The following RNFT2 variants were observed in gnomAD, a reference collection of about 807,000 sequenced individuals.
RNFT2 encodes the protein ring finger protein, transmembrane 2.
Under a neutral mutation model 53.0 loss-of-function variants are expected in RNFT2, and 36 were observed. The observed-to-expected ratio is 0.68, with a 90% CI of 0.52 to 0.90. The LOEUF is 0.90. Among genes scored for constraint, RNFT2 ranks in the 40% least tolerant of loss-of-function variants. The pLI is 0.00. For missense variants in RNFT2, 514 were observed against 585.6 expected, an observed-to-expected ratio of 0.88 and a Z score of 1.26; for synonymous variants, 260 against 253.2, an observed-to-expected ratio of 1.03 and a Z score of -0.26.
intron 10 of RNFT2, among the ~76,000 whole-genome samples, chr12:116,837,679 G>A (rs1052829933): frequency 6.6e-6 from 1 of 152,154 alleles, no homozygotes; most frequent in Non-Finnish European, 1.5e-5. Flanking sequence ...TCTGGGACCT[G>A]GGTTGGATCC....
chr12:116,852,114 C>T lies in RNFT2; in HGVS notation c.*2666C>T, dbSNP rs182884215. The T allele has an allele frequency of 1.2e-4, 123 of 1,001,000 alleles. No individual in the cohort carries two copies. The highest frequency in any genetic ancestry group is 1.1e-3 in the African/African-American group (69 of 61,988). The allele number at this position is 1,001,000 out of a possible 1,614,324, so 62.0% of individuals were successfully genotyped here. ...TGGCATGAGATGGCACAGGTGACCACGCAGAAGCCACCAGAATCTTGCCTG... is the reference window on the plus strand; with the variant it reads ...TGGCATGAGATGGCACAGGTGACCATGCAGAAGCCACCAGAATCTTGCCTG... On this transcript the variant is annotated 3_prime_UTR_variant, in exon 11 of 11. Transcript: ENST00000257575.
At chr12:116,826,042 T>TA (rs1194068835) in intron 7 of RNFT2, among the ~76,000 whole-genome samples, 1 of 152,160 alleles carries the variant, frequency 6.6e-6, no homozygotes, top group Non-Finnish European at 1.5e-5. Context: ...TGCTGACAGA[T>TA]ACTTGATTAT....
At chr12:116,806,144 G>A (rs1321570869) in intron 7 of RNFT2, among the ~76,000 whole-genome samples, 1 of 152,068 alleles carries the variant, frequency 6.6e-6, no homozygotes, top group East Asian at 1.9e-4. Context: ...ACTTTGGGAG[G>A]CCGAGGTGGG....
intron 4 of RNFT2, among the ~76,000 whole-genome samples, chr12:116,750,819 T>TTA (rs1477480685): frequency 0.018 from 79 of 4,326 alleles, no homozygotes; most frequent in Middle Eastern, 0.1. Context: ...AATATATATA[T>TTA]TATATATATA....
chr12:116,842,153 G>A (rs1877376090), intron 10 of RNFT2, among the ~76,000 whole-genome samples: 1 of 151,222 alleles, frequency 6.6e-6, no homozygotes. Context: ...AATGGGCTGT[G>A]AAATTGGAGG....
chr12:116,780,693 G>C (rs1360262412), intron 7 of RNFT2, among the ~76,000 whole-genome samples: 1 of 151,964 alleles, frequency 6.6e-6, no homozygotes, highest in Non-Finnish European at 1.5e-5. Context: ...AAGAGATGTG[G>C]AGAAGAAAGG....
intron 7 of RNFT2, among the ~76,000 whole-genome samples, chr12:116,787,274 G>A (rs1261443677): frequency 1.3e-5 from 2 of 152,220 alleles, no homozygotes; most frequent in African/African-American, 4.8e-5. Context: ...CTGCCAGATC[G>A]GCCAGGTGCT....
chr12:116,819,528 T>C lies in RNFT2; in HGVS notation c.883-14264T>C, dbSNP rs1240542363. Among the ~76,000 whole-genome samples, 17 of 151,902 alleles carry C rather than the reference T, an allele frequency of 1.1e-4. No homozygotes were observed. The East Asian group carries it at 1.9e-3, about 17-fold the overall frequency. On this transcript the variant is annotated intron_variant, in intron 7 of 10. Coordinates refer to ENST00000257575, the MANE Select transcript of RNFT2 (RefSeq NM_001382266.1). Reference sequence around the variant, plus strand: ...GGGGACAGCCGGCCGCCCGACGCGGTGATCTCATCCGGGCCCGGGGGAGGA... The same window carrying C: ...GGGGACAGCCGGCCGCCCGACGCGGCGATCTCATCCGGGCCCGGGGGAGGA...
intron 4 of RNFT2, among the ~76,000 whole-genome samples, chr12:116,750,851 A>ATGT (rs1491288992): frequency 2.8e-5 from 3 of 105,598 alleles, no homozygotes; most frequent in African/African-American, 1.2e-4. Flanking sequence ...ATATATATAT[A>ATGT]ATATATATTA....
At chr12:116,784,546 A>G (rs1004773378) in intron 7 of RNFT2, among the ~76,000 whole-genome samples, 2 of 152,144 alleles carry the variant, frequency 1.3e-5, no homozygotes, top group African/African-American at 2.4e-5. Flanking sequence ...CAGGCAAAGC[A>G]ATGAGGCATA....
intron 7 of RNFT2, among the ~76,000 whole-genome samples, chr12:116,816,835 A>T (rs1053779075): frequency 6.6e-6 from 1 of 151,814 alleles, no homozygotes; most frequent in East Asian, 1.9e-4. Context: ...AAAACAAAAA[A>T]TAACAAATAC....
At chr12:116,826,543 A>G (rs1459754741) in intron 7 of RNFT2, among the ~76,000 whole-genome samples, 2 of 152,180 alleles carry the variant, frequency 1.3e-5, no homozygotes, top group African/African-American at 4.8e-5. Flanking sequence ...TTTTGCTGGG[A>G]TATGCCCAGT....
At chr12:116,758,452 T>C (rs1422917404) in intron 5 of RNFT2, among the ~76,000 whole-genome samples, 4 of 152,224 alleles carry the variant, frequency 2.6e-5, no homozygotes, top group African/African-American at 4.8e-5. Flanking sequence ...TGATTTATGC[T>C]TTAAAGAGGG....
rs1299188886 is a variant in RNFT2 at position 116,742,336 on chromosome 12, C to T, written c.83+1242C>T. Among the ~76,000 whole-genome samples the T allele has an allele frequency of 4.7e-5, 7 of 148,406 alleles. No individual in the cohort carries two copies. The South Asian group carries it at 6.5e-4, about 14-fold the overall frequency. On this transcript the variant is annotated intron_variant, in intron 3 of 10. Transcript: ENST00000257575. ...AGGCTAGAATGCAGTGGCACGATCT[C>T]GGCTCACTGCAGCCTCGACCTCTCA...
intron 1 of RNFT2, among the ~76,000 whole-genome samples, chr12:116,740,128 C>T (rs1566065741): frequency 6.6e-6 from 1 of 151,608 alleles, no homozygotes; most frequent in African/African-American, 2.4e-5. Flanking sequence ...GCAGGAGAAT[C>T]GCTTGAACCT....
chr12:116,842,824 T>C (rs1877419379), intron 10 of RNFT2, among the ~76,000 whole-genome samples: 1 of 152,214 alleles, frequency 6.6e-6, no homozygotes. Flanking sequence ...TCCACCCACC[T>C]TGGCTTCCCA....
intron 7 of RNFT2, among the ~76,000 whole-genome samples, chr12:116,811,555 T>C (rs1470545354): frequency 6.6e-6 from 1 of 152,138 alleles, no homozygotes; most frequent in Non-Finnish European, 1.5e-5. Flanking sequence ...TTTGTATTTT[T>C]AGTAGAGACG....
intron 5 of RNFT2, among the ~76,000 whole-genome samples, chr12:116,756,307 T>A (rs1038084746): frequency 7.2e-6 from 1 of 138,648 alleles, no homozygotes; most frequent in Non-Finnish European, 1.6e-5. Context: ...ATTCCTAAGG[T>A]TTTTTTTTGT....
At position 116,749,898 on chromosome 12, in the gene RNFT2, G is replaced by C; in HGVS notation, c.141G>C (p.Glu47Asp). The C allele has an allele frequency of 6.3e-7, 1 of 1,588,904 alleles. No homozygotes were observed. The highest frequency in any genetic ancestry group is 8.6e-7 in the Non-Finnish European group (1 of 1,167,726). Reference sequence around the variant, plus strand: ...GTGTGGATGAAGGTGGCGTCTTTGAGAGTCTGAAGGCAGAGGCAGCCTCCC... The same window carrying C: ...GTGTGGATGAAGGTGGCGTCTTTGACAGTCTGAAGGCAGAGGCAGCCTCCC... The part of the protein sequence containing the change: ...EASVDEGGVF[E>D]SLKAEAASPP... The change falls in exon 4 of 11, where the codon GAG (glutamate) becomes GAC (aspartate). Residue 47 changes from glutamate to aspartate, a missense_variant. This residue lies in a region of RNFT2 where 237 missense variants were observed against 235.1 expected (regional missense o/e 1.01). Transcript: ENST00000257575.
Sources: gnomAD v4.1 joint callset for allele counts (sites outside exome capture counted in the v4.1 genomes callset) on GRCh38, gnomAD v4.1.1 for gene constraint, gnomAD v4.1.1 regional missense constraint, MANE v1.5 for transcripts, NCBI Gene and HGNC (gene_info 2026-07-23, HGNC 2026-07-21) for gene names.